The following BARX1 variants were observed in gnomAD, a reference collection of about 807,000 sequenced individuals.
BARX1 encodes the protein homeobox protein BarH-like 1.
A neutral mutation model predicts 19.6 loss-of-function variants in BARX1; 10 were observed. That is an observed-to-expected ratio of 0.51 (90% CI 0.31 to 0.86). The LOEUF is 0.86. BARX1 is among the 40% of genes least tolerant of loss of function. The pLI is 0.04. For missense variants in BARX1, 309 were observed against 360.4 expected (o/e 0.86, Z 1.15); for synonymous variants, 177 against 170.0 (o/e 1.04, Z -0.32).
intron 1 of BARX1, 43 bp downstream of exon 1, chr9:93,954,881 T>C: frequency 8.0e-7 from 1 of 1,257,644 alleles, no homozygotes; most frequent in African/African-American, 1.6e-5. Flanking sequence ...GCTCGCTGTC[T>C]CCCGCCAAGC....
intron 1 of BARX1, among the ~76,000 whole-genome samples, chr9:93,954,476 C>A (rs1190841783): frequency 6.6e-6 from 1 of 152,200 alleles, no homozygotes; most frequent in Non-Finnish European, 1.5e-5. Flanking sequence ...CAGCACCCAG[C>A]CCTCGGGAGC....
Position 93,952,334 on chromosome 9 carries a change from C to G in BARX1, c.601-6G>C, listed in dbSNP as rs775944054. 1.2e-6 allele frequency: 2 copies of G among 1,604,400 alleles called. No individual in the cohort carries two copies. Among genetic ancestry groups the G allele is most frequent in the African/African-American group, 2.7e-5 (2 of 74,906 alleles). On this transcript the variant is annotated splice_region_variant and splice_polypyrimidine_tract_variant and intron_variant, in intron 3 of 3. Coordinates refer to ENST00000253968, the MANE Select transcript of BARX1 (RefSeq NM_021570.4). ...AGGCCGCCGCCCTGCAGCACCTGCA[C>G]GGGGGACCGCCAGCACCTGGGTGAG...
At chr9:93,953,312 C>A in intron 1 of BARX1, 125 bp from the exon 2 acceptor site, 1 of 1,168,772 alleles carries the variant, frequency 8.6e-7, no homozygotes, top group Non-Finnish European at 1.1e-6. Context: ...AAAACCTCCA[C>A]GCCCTGCCGG....
chr9:93,954,966 C>A lies in BARX1; in HGVS notation c.181G>T (p.Val61Leu). ...AAAGELLKFG[V>L]QALLAARPFH... ...GGCCGCGCCGCCAGCAGCGCCTGCA[C>A]GCCGAACTTCAGCAGCTCGCCCGCC... is the stretch of plus-strand genomic sequence containing the variant. Residue 61 changes from valine to leucine, a missense_variant, in exon 1 of 4, where the codon GTG (valine) becomes TTG (leucine). Transcript: ENST00000253968. 1 of 1,395,746 alleles carries A rather than the reference C, an allele frequency of 7.2e-7. No homozygotes were observed. The allele number at this position is 1,395,746 out of a possible 1,614,324, so 86.5% of individuals were successfully genotyped here. A position where few individuals can be genotyped will look rare whatever the true frequency, so the allele number is the denominator to read the frequency against.
At position 93,952,077 on chromosome 9, in the gene BARX1, A is replaced by G. The variant is rs1403961236; in HGVS notation, c.*87T>C. On this transcript the variant is annotated 3_prime_UTR_variant, in exon 4 of 4. Transcript: ENST00000253968. ...AAGGCTTAGGAAGTAAACTTCTTGG[A>G]CGCGGAAGGGCCGGCTCGCGGGTTT... 6 of 1,485,230 alleles carry G rather than the reference A, an allele frequency of 4.0e-6. No homozygotes were observed. In the African/African-American group the frequency reaches 7.0e-5, roughly 17 times the overall value. 92.0% of individuals were successfully genotyped at this position (1,485,230 alleles called of 1,614,324 possible).
Position 93,953,188 on chromosome 9 carries a change from C to A in BARX1, c.224-1G>T. The stretch of plus-strand genomic sequence containing the variant: ...GCCGCCTGCTCGGCCTTCAGCACGG[C>A]TGCGAAGAAAGAGAATGAGGACCCG... On this transcript the variant is annotated splice_acceptor_variant, in intron 1 of 3. Coordinates refer to ENST00000253968, the MANE Select transcript of BARX1 (RefSeq NM_021570.4). LOFTEE classifies it high-confidence loss of function. 1 of 1,501,536 alleles carries A rather than the reference C, an allele frequency of 6.7e-7. No individual in the cohort carries two copies. The highest frequency in any genetic ancestry group is 8.8e-7 in the Non-Finnish European group (1 of 1,136,396). 93.0% of individuals were successfully genotyped at this position (1,501,536 alleles called of 1,614,324 possible). A position where few individuals can be genotyped will look rare whatever the true frequency, so the allele number is the denominator to read the frequency against.
chr9:93,953,282 TG>T, intron 1 of BARX1, 95 bp from the exon 2 acceptor site: 1 of 1,354,948 alleles, frequency 7.4e-7, no homozygotes, highest in Non-Finnish European at 9.7e-7. Flanking sequence ...TGCTCGCGCT[TG>T]GCCAGTGCCT....
At chr9:93,953,324 C>A in intron 1 of BARX1, 137 bp from the exon 2 acceptor site, 1 of 1,064,610 alleles carries the variant, frequency 9.4e-7, no homozygotes, top group South Asian at 1.8e-5. Context: ...CCCTGCCGGT[C>A]GGCGCCGGTG....
intron 1 of BARX1, among the ~76,000 whole-genome samples, 167 bp downstream of exon 1, chr9:93,954,757 C>T (rs1419574124): frequency 6.6e-6 from 1 of 152,170 alleles, no homozygotes; most frequent in Non-Finnish European, 1.5e-5. Flanking sequence ...GAGCTTGCAC[C>T]CTCCGCCTCC....
At chr9:93,952,654 AGAG>A in intron 3 of BARX1, 72 bp downstream of exon 3, 5 of 1,468,928 alleles carry the variant, frequency 3.4e-6, no homozygotes, top group East Asian at 2.3e-5. Flanking sequence ...GTGGGGAGAA[AGAG>A]GAGAGCAGCT....
Position 93,954,974 on chromosome 9 carries a change from T to C in BARX1, c.173A>G (p.Lys58Arg), listed in dbSNP as rs1400661440. 15 of 1,399,974 alleles carry C rather than the reference T, an allele frequency of 1.1e-5. No homozygotes were observed. The East Asian group carries it at 4.4e-4, about 41-fold the overall frequency. The allele number at this position is 1,399,974 out of a possible 1,614,324, so 86.7% of individuals were successfully genotyped here. The change falls in exon 1 of 4, where the codon AAG (lysine) becomes AGG (arginine). Residue 58 changes from lysine (K) to arginine (R), a missense_variant. Physicochemically the swap from Lys to Arg is conservative, Grantham distance 26. Coordinates refer to ENST00000253968, the MANE Select transcript of BARX1 (RefSeq NM_021570.4). ...CGCCAGCAGCGCCTGCACGCCGAAC[T>C]TCAGCAGCTCGCCCGCCGCGGCAGC... The part of the protein sequence containing the change: ...AAAAAAGELL[K>R]FGVQALLAAR...
In BARX1 at chr9:93,954,958, C is replaced by T. The variant is rs1829144068; in HGVS notation, c.189G>A (p.Ala63=). The T allele has an allele frequency of 7.3e-6, 10 of 1,378,434 alleles. No homozygotes were observed. In the East Asian group the frequency reaches 3.2e-4, roughly 43 times the overall value. 85.4% of individuals were successfully genotyped at this position (1,378,434 alleles called of 1,614,324 possible). ...AGELLKFGVQ[A]LLAARPFHSH... ...TGTGGAAGGGCCGCGCCGCCAGCAG[C>T]GCCTGCACGCCGAACTTCAGCAGCT... The change falls in exon 1 of 4, where the codon GCG becomes GCA. Residue 63 remains alanine, a synonymous_variant. Transcript: ENST00000253968.
chr9:93,952,177 C>T lies in BARX1; in HGVS notation c.752G>A (p.Ser251Asn). Residue 251 changes from serine (S) to asparagine (N), a missense_variant, in exon 4 of 4, where the codon AGC (serine) becomes AAC (asparagine). Transcript: ENST00000253968. Reference sequence around the variant, plus strand: ...CGTATACCGCCCTCAGTCCTCGCGGCTCCTGTCGCTGGGCTCGCCCGGCAC... The same window carrying T: ...CGTATACCGCCCTCAGTCCTCGCGGTTCCTGTCGCTGGGCTCGCCCGGCAC... ...AEVPGEPSDR[S>N]RED The T allele has an allele frequency of 6.2e-7, 1 of 1,608,068 alleles. No homozygotes were observed. Among genetic ancestry groups the T allele is most frequent in the East Asian group, 2.2e-5 (1 of 44,862 alleles).
rs1587808339 is a variant in BARX1, at chr9:93,952,040, G to A, written c.*124C>T. On this transcript the variant is annotated 3_prime_UTR_variant, in exon 4 of 4. Transcript: ENST00000253968. ...TTTGGCCCCAATTGTCCGCATTCAA[G>A]ATCATAATAAAAAGGCTTAGGAAGT... is the stretch of plus-strand genomic sequence containing the variant. The A allele has an allele frequency of 7.9e-7, 1 of 1,272,164 alleles. No homozygotes were observed. Among genetic ancestry groups the A allele is most frequent in the East Asian group, 2.5e-5 (1 of 39,386 alleles). The allele number at this position is 1,272,164 out of a possible 1,614,324, so 78.8% of individuals were successfully genotyped here.
In BARX1 at chr9:93,952,013, C is replaced by A. The variant is rs1278797639; in HGVS notation, c.*151G>T. 9.1e-7 allele frequency: 1 copy of A among 1,098,784 alleles called. No individual in the cohort carries two copies. The highest frequency in any genetic ancestry group is 1.3e-6 in the Non-Finnish European group (1 of 787,894). The allele number at this position is 1,098,784 out of a possible 1,614,324, so 68.1% of individuals were successfully genotyped here. ...TGGCTTTTGGGTCTGTGTCCTTCCT[C>A]GTTTGGCCCCAATTGTCCGCATTCA... On this transcript the variant is annotated 3_prime_UTR_variant, in exon 4 of 4. Transcript: ENST00000253968.
At chr9:93,952,875 C>T (rs942095106) in intron 2 of BARX1, 21 bp downstream of exon 2, 11 of 1,611,132 alleles carry the variant, frequency 6.8e-6, no homozygotes, top group Non-Finnish European at 9.3e-6. Flanking sequence ...GCCCGCTGGC[C>T]CCAGCCTTGT....
At position 93,955,202 on chromosome 9, in the gene BARX1, T is replaced by C. The variant is rs2118190953; in HGVS notation, c.-56A>G. 1.2e-6 allele frequency: 1 copy of C among 814,472 alleles called. No homozygotes were observed. The highest frequency in any genetic ancestry group is 1.5e-6 in the Non-Finnish European group (1 of 677,784). The allele number at this position is 814,472 out of a possible 1,614,324, so 50.5% of individuals were successfully genotyped here. On this transcript the variant is annotated 5_prime_UTR_variant, in exon 1 of 4. Transcript: ENST00000253968. This position sits in a 1 kb window ranked among gnomAD's most constrained non-coding sequence, Gnocchi z 4.4. ...GCGGCGGCGGCGGCGACGGCTTGGC[T>C]CCGGCGCGGGGCCCGCGCGGGGCTC...
Position 93,954,949 on chromosome 9 carries a change from C to T in BARX1, c.198G>A (p.Ala66=). 1.5e-6 allele frequency: 2 copies of T among 1,356,020 alleles called. No homozygotes were observed. Among genetic ancestry groups the T allele is most frequent in the Non-Finnish European group, 9.4e-7 (1 of 1,062,138 alleles). 84.0% of individuals were successfully genotyped at this position (1,356,020 alleles called of 1,614,324 possible). Residue 66 remains alanine, a synonymous_variant, in exon 1 of 4, where the codon GCG becomes GCA. Transcript: ENST00000253968. ...LLKFGVQALL[A]ARPFHSHLAV... ...CCAGGTGGCTGTGGAAGGGCCGCGC[C>T]GCCAGCAGCGCCTGCACGCCGAACT...
rs948271361 is a variant in BARX1, at chr9:93,952,096, C to T, written c.*68G>A. Reference sequence around the variant, plus strand: ...TCTTGGACGCGGAAGGGCCGGCTCGCGGGTTTCCGCCGAGTGAGGGGGCTG... The same window carrying T: ...TCTTGGACGCGGAAGGGCCGGCTCGTGGGTTTCCGCCGAGTGAGGGGGCTG... On this transcript the variant is annotated 3_prime_UTR_variant, in exon 4 of 4. Coordinates refer to ENST00000253968, the MANE Select transcript of BARX1 (RefSeq NM_021570.4). The T allele has an allele frequency of 6.5e-6, 10 of 1,542,352 alleles. No individual in the cohort carries two copies. Among genetic ancestry groups the T allele is most frequent in the Admixed American group, 3.8e-5 (2 of 52,518 alleles).
Sources: gnomAD v4.1 joint callset for allele counts (sites outside exome capture counted in the v4.1 genomes callset) on GRCh38, gnomAD v4.1.1 for gene constraint, Gnocchi (gnomAD v3.1) non-coding constraint, MANE v1.5 for transcripts, NCBI Gene and HGNC (gene_info 2026-07-23, HGNC 2026-07-21) for gene names.